Variants in CSNK1G2 observed in about 807,000 individuals in gnomAD.
CSNK1G2 encodes the protein casein kinase 1 gamma 2.
A neutral mutation model predicts 48.0 loss-of-function variants in CSNK1G2; 11 were observed. The ratio of observed to expected loss-of-function variants is 0.23; its 90% confidence interval spans 0.14 to 0.38. CSNK1G2 has a LOEUF of 0.38. CSNK1G2 is among the 10% of genes least tolerant of loss of function. The pLI is 1.00. For missense variants in CSNK1G2, 446 were observed against 595.5 expected, an observed-to-expected ratio of 0.75 and a Z score of 2.61; for synonymous variants, 337 against 254.1, an observed-to-expected ratio of 1.33 and a Z score of -3.10.
chr19:1,967,564 G>GC (rs1568195999), intron 1 of CSNK1G2, among the ~76,000 whole-genome samples: 1 of 152,146 alleles, frequency 6.6e-6, no homozygotes, highest in Non-Finnish European at 1.5e-5. Flanking sequence ...GGCCTCCTGG[G>GC]CGGGTACCTG....
intron 1 of CSNK1G2, among the ~76,000 whole-genome samples, chr19:1,955,692 T>C (rs73522920): frequency 0.046 from 6,989 of 152,216 alleles, 396 homozygotes; most frequent in African/African-American, 0.14. Context: ...GGAGGCGGGA[T>C]CCAGCCCTGA....
At chr19:1,965,166 C>T (rs1173363720) in intron 1 of CSNK1G2, among the ~76,000 whole-genome samples, 1 of 149,296 alleles carries the variant, frequency 6.7e-6, no homozygotes, top group Non-Finnish European at 1.5e-5. Context: ...GAGGCCAAGG[C>T]GGGCAGATCA....
chr19:1,974,984 ACCT>A, intron 2 of CSNK1G2: 1 of 857,186 alleles, frequency 1.2e-6, no homozygotes, highest in African/African-American at 1.8e-5. Flanking sequence ...AGAGCGCCCG[ACCT>A]CCTCCAGGAG....
chr19:1,951,510 T>C lies in CSNK1G2; in HGVS notation c.-266+10092T>C, dbSNP rs544083922. 2.7e-5 allele frequency among the ~76,000 whole-genome samples: 4 copies of C among 146,270 alleles called. No homozygotes were observed. In the South Asian group the frequency reaches 8.8e-4, roughly 32 times the overall value. Reference sequence around the variant, plus strand: ...GGCTGGCCCAGCTGCCTGTGTCCTCTGGGGCTCCCTGAGGAGGCAGCACCA... The same window carrying C: ...GGCTGGCCCAGCTGCCTGTGTCCTCCGGGGCTCCCTGAGGAGGCAGCACCA... On this transcript the variant is annotated intron_variant, in intron 1 of 11. Transcript: ENST00000255641.
In CSNK1G2 at chr19:1,969,774, TG is replaced by T; in HGVS notation, c.4del (p.Asp2?). 7.7e-7 allele frequency: 1 copy of T among 1,303,170 alleles called. No homozygotes were observed. The highest frequency in any genetic ancestry group is 9.8e-7 in the Non-Finnish European group (1 of 1,017,748). 80.7% of individuals were successfully genotyped at this position (1,303,170 alleles called of 1,614,324 possible). A position where few individuals can be genotyped will look rare whatever the true frequency, so the allele number is the denominator to read the frequency against. On this transcript the variant is annotated frameshift_variant and start_lost, in exon 2 of 12. Coordinates refer to ENST00000255641, the MANE Select transcript of CSNK1G2 (RefSeq NM_001319.7). LOFTEE classifies it high-confidence loss of function. ...GAGAGGCCAGGGTATCACAAACTTA[TG>T]GATTTTGACAAGAAAGGAGGGAAAG... MDFDKKGGKGE... is the reference protein window; with the variant it reads XDFDKKGGKGE...
chr19:1,980,128 C>T (rs2015931395), intron 11 of CSNK1G2, 21 bp from the exon 12 acceptor site: 2 of 1,612,636 alleles, frequency 1.2e-6, no homozygotes, highest in Admixed American at 1.7e-5. Flanking sequence ...GTCCTCCTAC[C>T]TGAGCCACTG....
chr19:1,947,833 C>T (rs959188789), intron 1 of CSNK1G2, among the ~76,000 whole-genome samples: 1 of 152,198 alleles, frequency 6.6e-6, no homozygotes, highest in Non-Finnish European at 1.5e-5. Flanking sequence ...GTGTGGGGCT[C>T]GCTGCCTGAG....
rs762967432 is a variant in CSNK1G2, at chr19:1,978,598, G to A, written c.299-4G>A. 3.1e-6 allele frequency: 5 copies of A among 1,590,456 alleles called. No homozygotes were observed. In the South Asian group the frequency reaches 4.5e-5, roughly 14 times the overall value. On this transcript the variant is annotated splice_polypyrimidine_tract_variant and splice_region_variant and intron_variant, in intron 4 of 11. Coordinates refer to ENST00000255641, the MANE Select transcript of CSNK1G2 (RefSeq NM_001319.7). This position sits in a 1 kb window ranked among gnomAD's most constrained non-coding sequence, Gnocchi z 7.3. ...CACGCCCGTGCGTCTGTCCTCCGCC[G>A]CAGAGGGCGTCCCTCAGGTCTACTA...
chr19:1,967,039 T>TA (rs1210306965), intron 1 of CSNK1G2, among the ~76,000 whole-genome samples: 1 of 106,480 alleles, frequency 9.4e-6, no homozygotes, highest in Non-Finnish European at 1.7e-5. Flanking sequence ...CCCGCTTAAT[T>TA]AAAGTGTGTC....
intron 2 of CSNK1G2, 23 bp downstream of exon 2, chr19:1,969,982 G>A (rs1306660132): frequency 4.6e-6 from 6 of 1,299,510 alleles, no homozygotes; most frequent in Middle Eastern, 2.8e-4. Flanking sequence ...TCGGTGGTAG[G>A]TGGGGTCGGG....
At position 1,969,922 on chromosome 19, in the gene CSNK1G2, G is replaced by A; in HGVS notation, c.150G>A (p.Lys50=). ...LMVGPNFRVG[K]KIGCGNFGEL... is the part of the protein sequence containing the mutation. ...TGGGCCCCAACTTCCGCGTCGGCAAGAAGATCGGCTGCGGCAACTTCGGGG... is the reference window on the plus strand; with the variant it reads ...TGGGCCCCAACTTCCGCGTCGGCAAAAAGATCGGCTGCGGCAACTTCGGGG... Residue 50 remains lysine (K), a synonymous_variant, in exon 2 of 12, where the codon AAG becomes AAA. Transcript: ENST00000255641. 1 of 1,311,922 alleles carries A rather than the reference G, an allele frequency of 7.6e-7. No individual in the cohort carries two copies. The highest frequency in any genetic ancestry group is 9.8e-7 in the Non-Finnish European group (1 of 1,022,144). The allele number at this position is 1,311,922 out of a possible 1,614,324, so 81.3% of individuals were successfully genotyped here.
At chr19:1,976,806 C>T (rs111728267) in intron 2 of CSNK1G2, among the ~76,000 whole-genome samples, 20 of 151,702 alleles carry the variant, frequency 1.3e-4, no homozygotes, top group African/African-American at 4.8e-4. Context: ...ATGGCACCAT[C>T]TCAGCTCACC....
chr19:1,946,480 ACGGGGTTTCAC>A (rs902907951), intron 1 of CSNK1G2, among the ~76,000 whole-genome samples: 4 of 149,628 alleles, frequency 2.7e-5, no homozygotes, highest in African/African-American at 9.8e-5. Flanking sequence ...TTTAGTAGAG[ACGGGGTTTCAC>A]CGTGTTAGCC....
chr19:1,974,109 G>C (rs1027143812), intron 2 of CSNK1G2, among the ~76,000 whole-genome samples: 6 of 151,924 alleles, frequency 3.9e-5, no homozygotes, highest in African/African-American at 1.5e-4. Context: ...GGCTAGGCTG[G>C]TCTCAAACTC....
At chr19:1,968,143 TCC>T in intron 1 of CSNK1G2, among the ~76,000 whole-genome samples, 1 of 53,428 alleles carries the variant, frequency 1.9e-5, no homozygotes, top group African/African-American at 1.5e-4. Flanking sequence ...GTGGGGCTCC[TCC>T]CCAGGCTGTC....
intron 1 of CSNK1G2, among the ~76,000 whole-genome samples, chr19:1,948,228 A>C (rs2014636267): frequency 1.3e-5 from 2 of 152,170 alleles, no homozygotes; most frequent in African/African-American, 4.8e-5. Flanking sequence ...GCGTTTCTTA[A>C]AATTAACGAT....
chr19:1,956,282 G>A (rs983200506), intron 1 of CSNK1G2, among the ~76,000 whole-genome samples: 1 of 152,184 alleles, frequency 6.6e-6, no homozygotes, highest in Non-Finnish European at 1.5e-5. Flanking sequence ...TGGGGGTTGG[G>A]GCTTGTCATC....
At chr19:1,956,793 C>T (rs1017325784) in intron 1 of CSNK1G2, among the ~76,000 whole-genome samples, 7 of 152,178 alleles carry the variant, frequency 4.6e-5, no homozygotes, top group African/African-American at 1.4e-4. Flanking sequence ...GTGAGACAGC[C>T]GTCCAGAAGC....
At chr19:1,964,303 CAAAAA>C (rs542361268) in intron 1 of CSNK1G2, among the ~76,000 whole-genome samples, 2 of 126,550 alleles carry the variant, frequency 1.6e-5, no homozygotes, top group East Asian at 5.2e-4. Flanking sequence ...AAAAAAAAAA[CAAAAA>C]AAAACCAGGT....
Sources: allele counts gnomAD v4.1 joint callset (sites outside exome capture counted in the v4.1 genomes callset), GRCh38; gene constraint gnomAD v4.1.1; non-coding constraint Gnocchi (gnomAD v3.1); transcripts MANE v1.5; gene names NCBI Gene and HGNC (gene_info 2026-07-23, HGNC 2026-07-21).